Variants in AGAP1 observed in about 807,000 individuals in gnomAD.
The protein encoded by AGAP1 is arf-GAP with GTPase, ANK repeat and PH domain-containing protein 1.
In AGAP1, 29 loss-of-function variants were observed where a neutral mutation model predicts 105.3. The ratio of observed to expected loss-of-function variants is 0.28; its 90% CI spans 0.21 to 0.38. The LOEUF (loss-of-function observed/expected upper bound fraction) is 0.38. Among genes scored for constraint, AGAP1 ranks in the 10% least tolerant of loss-of-function variants. AGAP1 has a pLI of 1.00. For missense variants in AGAP1, 998 were observed against 1,165.1 expected, an observed-to-expected ratio of 0.86 and a Z score of 2.09; for synonymous variants, 509 against 485.9, an observed-to-expected ratio of 1.05 and a Z score of -0.63.
rs150479050 is a variant in AGAP1 at position 236,042,919 on chromosome 2, A to C, written c.1891+2078A>C. On this transcript the variant is annotated intron_variant, in intron 15 of 17. Transcript: ENST00000304032. The surrounding 1 kb of genome is among the most constrained non-coding windows in gnomAD (Gnocchi z 5.6). ...CCATGCGCTGTCTTTTCATTCTGCAACCCTAGTAGTTGGTGCCCCTGTGGG... is the reference window on the plus strand; with the variant it reads ...CCATGCGCTGTCTTTTCATTCTGCACCCCTAGTAGTTGGTGCCCCTGTGGG... Among the ~76,000 whole-genome samples, 15 of 152,316 alleles carry C rather than the reference A, an allele frequency of 9.8e-5. No individual in the cohort carries two copies. Among genetic ancestry groups the C allele is most frequent in the African/African-American group, 3.4e-4 (14 of 41,572 alleles).
intron 1 of AGAP1, among the ~76,000 whole-genome samples, chr2:235,638,335 C>T (rs1441726774): frequency 6.6e-6 from 1 of 152,080 alleles, no homozygotes; most frequent in Non-Finnish European, 1.5e-5. Flanking sequence ...GCTCTTCGAA[C>T]GGGAGCCTGG....
Position 235,551,280 on chromosome 2 carries a change from C to G in AGAP1, c.163+56431C>G, listed in dbSNP as rs1367030497. Among the ~76,000 whole-genome samples the G allele has an allele frequency of 6.6e-6, 1 of 151,924 alleles. No homozygotes were observed. The highest frequency in any genetic ancestry group is 1.9e-4 in the East Asian group (1 of 5,154). ...GGCCTCTGCATCTCTTGAGTTGATT[C>G]TGAAAGGGTGAGGAGAGAGGGGCTA... On this transcript the variant is annotated intron_variant, in intron 1 of 17. Coordinates refer to ENST00000304032, the MANE Select transcript of AGAP1 (RefSeq NM_001037131.3). The surrounding 1 kb of genome is among the most constrained non-coding windows in gnomAD (Gnocchi z 4.8).
chr2:236,019,101 G>A (rs4422117), intron 13 of AGAP1, among the ~76,000 whole-genome samples: 31,495 of 152,132 alleles, frequency 0.21, 3,537 homozygotes, highest in South Asian at 0.29. Flanking sequence ...CGTTTTCTTG[G>A]TCACAGTTCT....
intron 13 of AGAP1, among the ~76,000 whole-genome samples, chr2:235,997,358 A>T (rs528012177): frequency 3.9e-5 from 6 of 152,224 alleles, no homozygotes; most frequent in Non-Finnish European, 7.3e-5. Context: ...CAAAGTGGGG[A>T]TTACAGGCAT....
In AGAP1 at chr2:235,494,583, G is replaced by A. The variant is rs1159732104; in HGVS notation, c.-104G>A. 9.6e-6 allele frequency: 3 copies of A among 313,550 alleles called. No homozygotes were observed. The highest frequency in any genetic ancestry group is 3.9e-4 in the East Asian group (2 of 5,140). 19.4% of individuals were successfully genotyped at this position (313,550 alleles called of 1,614,324 possible). ...TCCTCCGCCCGCCGCCGGCGGGCCC[G>A]GCTCCCCGGGGGCTGCGGCGCCCCG... On this transcript the variant is annotated 5_prime_UTR_variant, in exon 1 of 18. Transcript: ENST00000304032.
chr2:235,908,660 G>C lies in AGAP1; in HGVS notation c.1156-78G>C. The C allele has an allele frequency of 7.2e-7, 1 of 1,382,946 alleles. No homozygotes were observed. The highest frequency in any genetic ancestry group is 2.3e-5 in the Admixed American group (1 of 43,434). 85.7% of individuals were successfully genotyped at this position (1,382,946 alleles called of 1,614,324 possible). A position where few individuals can be genotyped will look rare whatever the true frequency, so the allele number is the denominator to read the frequency against. On this transcript the variant is annotated intron_variant, in intron 10 of 17. Transcript: ENST00000304032. This position sits in a 1 kb window ranked among gnomAD's most constrained non-coding sequence, Gnocchi z 4.4. ...CATAGGGTTTTAACTCATGACGTCTGATAGACCCTTTTGTTCTAGGTTGTA... is the reference window on the plus strand; with the variant it reads ...CATAGGGTTTTAACTCATGACGTCTCATAGACCCTTTTGTTCTAGGTTGTA...
chr2:235,606,719 G>T (rs1309406043), intron 1 of AGAP1, among the ~76,000 whole-genome samples: 1 of 151,934 alleles, frequency 6.6e-6, no homozygotes, highest in Non-Finnish European at 1.5e-5. Context: ...AGGCTGAGAC[G>T]GGCAGATCAC....
rs1049904642 is a variant in AGAP1, at chr2:235,842,574, C to G, written c.1050+35243C>G. 6.6e-6 allele frequency among the ~76,000 whole-genome samples: 1 copy of G among 152,120 alleles called. No individual in the cohort carries two copies. The highest frequency in any genetic ancestry group is 1.5e-5 in the Non-Finnish European group (1 of 68,026). On this transcript the variant is annotated intron_variant, in intron 9 of 17. Transcript: ENST00000304032. The surrounding 1 kb of genome is among the most constrained non-coding windows in gnomAD (Gnocchi z 5.3). Reference sequence around the variant, plus strand: ...TTGATATGATTGGTTCTTTTGTAATCCTATGAATTTAAACCTAATACTTTG... The same window carrying G: ...TTGATATGATTGGTTCTTTTGTAATGCTATGAATTTAAACCTAATACTTTG...
chr2:235,802,525 C>T (rs1383397727), intron 8 of AGAP1, among the ~76,000 whole-genome samples: 1 of 152,218 alleles, frequency 6.6e-6, no homozygotes, highest in African/African-American at 2.4e-5. Context: ...AAGAAGCTAC[C>T]ACTGCAATAG....
intron 13 of AGAP1, among the ~76,000 whole-genome samples, chr2:236,018,814 G>GC (rs909844643): frequency 1.3e-5 from 2 of 152,190 alleles, no homozygotes; most frequent in Non-Finnish European, 2.9e-5. Flanking sequence ...GCTCGCCCCA[G>GC]CAACAGGCCT....
intron 1 of AGAP1, among the ~76,000 whole-genome samples, chr2:235,613,861 C>CAT (rs1328687628): frequency 6.6e-6 from 1 of 152,210 alleles, no homozygotes; most frequent in Non-Finnish European, 1.5e-5. Flanking sequence ...AGTGAATTAG[C>CAT]ATATAGTGGC....
rs1179398324 is a variant in AGAP1, at chr2:235,988,562, G to A, written c.1645+19939G>A. 6.6e-6 allele frequency among the ~76,000 whole-genome samples: 1 copy of A among 152,090 alleles called. No homozygotes were observed. The highest frequency in any genetic ancestry group is 1.9e-4 in the East Asian group (1 of 5,170). The stretch of plus-strand genomic sequence containing the variant: ...AGCAGTAGGTACTTAGTCAAGGCAT[G>A]CAGGCGTTTCTCCTTGTTTTAGTTC... On this transcript the variant is annotated intron_variant, in intron 13 of 17. Coordinates refer to ENST00000304032, the MANE Select transcript of AGAP1 (RefSeq NM_001037131.3). The surrounding 1 kb of genome is among the most constrained non-coding windows in gnomAD (Gnocchi z 4.7).
chr2:235,578,121 C>T lies in AGAP1; in HGVS notation c.163+83272C>T, dbSNP rs148164834. Among the ~76,000 whole-genome samples the T allele has an allele frequency of 5.9e-5, 9 of 152,208 alleles. No individual in the cohort carries two copies. The highest frequency in any genetic ancestry group is 2.2e-4 in the African/African-American group (9 of 41,544). ...GCAGAGACAAGAGTTCCAGGGCGAGCCTCAGTTCTGGGACCACCATTGACC... is the reference window on the plus strand; with the variant it reads ...GCAGAGACAAGAGTTCCAGGGCGAGTCTCAGTTCTGGGACCACCATTGACC... On this transcript the variant is annotated intron_variant, in intron 1 of 17. Coordinates refer to ENST00000304032, the MANE Select transcript of AGAP1 (RefSeq NM_001037131.3). The surrounding 1 kb of genome is among the most constrained non-coding windows in gnomAD (Gnocchi z 4.9).
intron 1 of AGAP1, among the ~76,000 whole-genome samples, chr2:235,672,495 A>G (rs563889203): frequency 4.6e-5 from 7 of 152,346 alleles, no homozygotes; most frequent in African/African-American, 9.6e-5. Context: ...AAGGCACTGT[A>G]TTTAACTCCA....
Position 235,660,424 on chromosome 2 carries a change from A to G in AGAP1, c.164-48755A>G, listed in dbSNP as rs1947909845. Among the ~76,000 whole-genome samples, 2 of 152,174 alleles carry G rather than the reference A, an allele frequency of 1.3e-5. No homozygotes were observed. The highest frequency in any genetic ancestry group is 4.1e-4 in the South Asian group (2 of 4,822). The stretch of plus-strand genomic sequence containing the variant: ...GCAGCATTTATTAAGTAGAACATTG[A>G]TAAGGGCTTGAGGGTGAGAGAAGTT... On this transcript the variant is annotated intron_variant, in intron 1 of 17. Coordinates refer to ENST00000304032, the MANE Select transcript of AGAP1 (RefSeq NM_001037131.3). This position sits in a 1 kb window ranked among gnomAD's most constrained non-coding sequence, Gnocchi z 5.3.
chr2:235,852,759 C>A, intron 9 of AGAP1: 3 of 1,536,756 alleles, frequency 2.0e-6, no homozygotes, highest in Non-Finnish European at 2.6e-6. Context: ...GCCCGTCAGT[C>A]CTCCCCCTGG....
At chr2:235,969,959 T>C (rs1258135123) in intron 13 of AGAP1, among the ~76,000 whole-genome samples, 4 of 152,250 alleles carry the variant, frequency 2.6e-5, no homozygotes, top group South Asian at 4.2e-4. Flanking sequence ...CCCAGCACTT[T>C]GGGAGGCCAA....
intron 11 of AGAP1, among the ~76,000 whole-genome samples, chr2:235,921,666 G>C (rs1012279765): frequency 6.6e-6 from 1 of 152,132 alleles, no homozygotes; most frequent in Non-Finnish European, 1.5e-5. Flanking sequence ...ACTCTGTCTT[G>C]ATAAACATAA....
At position 235,737,485 on chromosome 2, in the gene AGAP1, C is replaced by T. The variant is rs1952319350; in HGVS notation, c.311-3478C>T. On this transcript the variant is annotated intron_variant, in intron 3 of 17. Coordinates refer to ENST00000304032, the MANE Select transcript of AGAP1 (RefSeq NM_001037131.3). The surrounding 1 kb of genome is among the most constrained non-coding windows in gnomAD (Gnocchi z 4.5). ...GAGTCCTTTGCTTGAGATCACAAAG[C>T]CAGAGACTTCAGGAGAGCAGAAATG... is the stretch of plus-strand genomic sequence containing the variant. Among the ~76,000 whole-genome samples the T allele has an allele frequency of 2.0e-5, 3 of 152,244 alleles. No individual in the cohort carries two copies. In the South Asian group the frequency reaches 6.2e-4, roughly 32 times the overall value.
Sources: allele counts gnomAD v4.1 joint callset (sites outside exome capture counted in the v4.1 genomes callset), GRCh38; gene constraint gnomAD v4.1.1; non-coding constraint Gnocchi (gnomAD v3.1); transcripts MANE v1.5; gene names NCBI Gene and HGNC (gene_info 2026-07-23, HGNC 2026-07-21).